The following PACRG variants were observed in gnomAD, a reference collection of about 807,000 sequenced individuals.
PACRG encodes parkin coregulated.
Under a neutral mutation model 29.7 loss-of-function variants are expected in PACRG, and 29 were observed. The observed-to-expected ratio is 0.98, with a 90% CI of 0.73 to 1.33. The LOEUF (loss-of-function observed/expected upper bound fraction) is 1.33, where lower values mean the gene tolerates loss of function less well. PACRG is among the 40% of genes most tolerant of loss of function. The pLI is 0.00. For synonymous variants in PACRG, 116 were observed against 118.7 expected, an observed-to-expected ratio of 0.98 and a Z score of 0.15; for missense variants, 279 against 316.2, an observed-to-expected ratio of 0.88 and a Z score of 0.89.
intron 4 of PACRG, among the ~76,000 whole-genome samples, chr6:163,092,300 A>G (rs1814179353): frequency 6.8e-6 from 1 of 146,278 alleles, no homozygotes; most frequent in Non-Finnish European, 1.5e-5. Flanking sequence ...ACATTGGGAC[A>G]GTGGCCCATG....
At chr6:162,960,962 C>A (rs1800565411) in intron 2 of PACRG, among the ~76,000 whole-genome samples, 2 of 74,472 alleles carry the variant, frequency 2.7e-5, no homozygotes, top group Non-Finnish European at 3.4e-5. Context: ...AATGCGTTAA[C>A]CTGGTTTAGG....
chr6:163,236,865 G>T (rs942857519), intron 4 of PACRG, among the ~76,000 whole-genome samples: 2 of 152,162 alleles, frequency 1.3e-5, no homozygotes, highest in Non-Finnish European at 2.9e-5. Flanking sequence ...TACAATCATG[G>T]CAAAAGCTGA....
rs78055323 is a variant in PACRG, at chr6:163,076,303, G to A, written c.464-12956G>A. Among the ~76,000 whole-genome samples, 675 of 152,234 alleles carry A rather than the reference G, an allele frequency of 4.4e-3. 4 individuals carry two copies. The highest frequency in any genetic ancestry group is 0.015 in the African/African-American group (643 of 41,530). On this transcript the variant is annotated intron_variant, in intron 3 of 4. Transcript: ENST00000366888. ...AATCTCCCCATGTGTGTAATTCTAA[G>A]AGGTCAGCTAAGGCAGAGCTTACAT...
chr6:162,862,502 A>C (rs1791949496), intron 2 of PACRG, among the ~76,000 whole-genome samples: 1 of 152,232 alleles, frequency 6.6e-6, no homozygotes, highest in Non-Finnish European at 1.5e-5. Context: ...GAAATGCTGC[A>C]ACATCTAAGT....
rs76809714 is a variant in PACRG at position 162,732,048 on chromosome 6, T to G, written c.156+3657T>G. On this transcript the variant is annotated intron_variant, in intron 1 of 4. Transcript: ENST00000366888. ...TACCTGCCCTCAAGAAGGAGGAAAGTGGAAGCAGAGAGCTTCCCATTATGT... is the reference window on the plus strand; with the variant it reads ...TACCTGCCCTCAAGAAGGAGGAAAGGGGAAGCAGAGAGCTTCCCATTATGT... Among the ~76,000 whole-genome samples, 54 of 152,216 alleles carry G rather than the reference T, an allele frequency of 3.5e-4. No homozygotes were observed. The East Asian group carries it at 8.5e-3, about 24-fold the overall frequency.
At chr6:163,062,803 A>G (rs769463113) in intron 3 of PACRG, among the ~76,000 whole-genome samples, 3 of 152,202 alleles carry the variant, frequency 2.0e-5, no homozygotes, top group Non-Finnish European at 1.5e-5. Context: ...ACAATAGGTA[A>G]GCTGGGTGAC....
chr6:163,227,061 A>G (rs560161909), intron 4 of PACRG, among the ~76,000 whole-genome samples: 69 of 152,282 alleles, frequency 4.5e-4, no homozygotes, highest in Non-Finnish European at 8.5e-4. Flanking sequence ...ATGTAAAAAC[A>G]TGACTTCCTG....
chr6:163,136,433 G>T (rs1324728667), intron 4 of PACRG, among the ~76,000 whole-genome samples: 1 of 152,116 alleles, frequency 6.6e-6, no homozygotes, highest in East Asian at 1.9e-4. Flanking sequence ...TTATTTTTTG[G>T]AATTGCTTAG....
chr6:163,200,657 T>C (rs1173194979), intron 4 of PACRG, among the ~76,000 whole-genome samples: 2 of 152,056 alleles, frequency 1.3e-5, no homozygotes, highest in Non-Finnish European at 2.9e-5. Flanking sequence ...CCTTTTAACG[T>C]TGGAAGTGAA....
chr6:162,749,038 T>C (rs1312508909), intron 1 of PACRG, among the ~76,000 whole-genome samples: 1 of 152,252 alleles, frequency 6.6e-6, no homozygotes, highest in African/African-American at 2.4e-5. Flanking sequence ...ATACAGGATG[T>C]ATTTTCTATG....
chr6:163,134,857 A>T (rs1331568568), intron 4 of PACRG, among the ~76,000 whole-genome samples: 1 of 152,192 alleles, frequency 6.6e-6, no homozygotes, highest in African/African-American at 2.4e-5. Flanking sequence ...AAATCTCAAC[A>T]GTTTTTCCAC....
chr6:162,924,423 T>C (rs993802716), intron 2 of PACRG, among the ~76,000 whole-genome samples: 127 of 152,246 alleles, frequency 8.3e-4, no homozygotes, highest in Admixed American at 8.2e-3. Flanking sequence ...TCCAGTACTC[T>C]ATTGAATAGA....
At chr6:163,034,811 T>TG (rs1210504886) in intron 2 of PACRG, among the ~76,000 whole-genome samples, 3 of 152,160 alleles carry the variant, frequency 2.0e-5, no homozygotes, top group Admixed American at 6.5e-5. Context: ...AGAGGGTTCT[T>TG]GGACCTCGCG....
intron 2 of PACRG, among the ~76,000 whole-genome samples, chr6:162,886,330 C>G (rs982676119): frequency 6.6e-6 from 1 of 152,176 alleles, no homozygotes; most frequent in African/African-American, 2.4e-5. Context: ...TCCTTCTCCT[C>G]CTTGGCCTTC....
At chr6:163,213,145 G>A (rs1029623249) in intron 4 of PACRG, among the ~76,000 whole-genome samples, 34 of 152,250 alleles carry the variant, frequency 2.2e-4, no homozygotes, top group East Asian at 1.4e-3. Context: ...TTAAAAGCAC[G>A]TGGCAGCTGA....
chr6:163,109,811 C>G (rs1815607540), intron 4 of PACRG, among the ~76,000 whole-genome samples: 1 of 152,186 alleles, frequency 6.6e-6, no homozygotes, highest in Non-Finnish European at 1.5e-5. Context: ...CATGATGACT[C>G]TTTCTGTGGT....
intron 4 of PACRG, among the ~76,000 whole-genome samples, chr6:163,214,559 T>A (rs1042428996): frequency 6.6e-6 from 1 of 151,986 alleles, no homozygotes; most frequent in Admixed American, 6.6e-5. Flanking sequence ...TCCATTCATA[T>A]ATATTTAATC....
At chr6:163,040,496 A>G (rs531003815) in intron 2 of PACRG, among the ~76,000 whole-genome samples, 56 of 152,186 alleles carry the variant, frequency 3.7e-4, no homozygotes, top group Non-Finnish European at 7.5e-4. Context: ...AGATCAACTG[A>G]CAGCTTGTGC....
intron 2 of PACRG, among the ~76,000 whole-genome samples, chr6:162,920,015 C>T (rs1411249482): frequency 6.6e-6 from 1 of 152,134 alleles, no homozygotes; most frequent in Non-Finnish European, 1.5e-5. Context: ...TTGGCCAGAG[C>T]GGACTCTTCC....
Sources: allele counts gnomAD v4.1 joint callset (sites outside exome capture counted in the v4.1 genomes callset), GRCh38; gene constraint gnomAD v4.1.1; transcripts MANE v1.5; gene names NCBI Gene and HGNC (gene_info 2026-07-23, HGNC 2026-07-21).